Variants in NALCN observed in about 807,000 individuals in gnomAD.
NALCN encodes the protein sodium leak channel, non-selective.
In NALCN, 111 loss-of-function variants were observed where a neutral mutation model predicts 225.3. The ratio of observed to expected loss-of-function variants is 0.49; its 90% CI spans 0.42 to 0.58. NALCN has a LOEUF of 0.58. Among genes scored for constraint, NALCN ranks in the 20% least tolerant of loss-of-function variants. The probability of loss-of-function intolerance (pLI) is 0.00; values close to 1 mark genes in which losing one functional copy is unlikely to be tolerated. For missense variants in NALCN, 1,378 were observed against 2,202.4 expected (o/e 0.63, Z 7.49); for synonymous variants, 764 against 769.0 (o/e 0.99, Z 0.11).
chr13:101,180,353 C>T (rs570249448), intron 14 of NALCN: 2 of 151,658 alleles, frequency 1.3e-5, no homozygotes, highest in Non-Finnish European at 2.9e-5. Flanking sequence ...CTACAGGCAC[C>T]TACCACCATG....
intron 10 of NALCN, among the ~76,000 whole-genome samples, chr13:101,272,676 T>C (rs977907413): frequency 6.6e-6 from 1 of 152,024 alleles, no homozygotes; most frequent in African/African-American, 2.4e-5. Context: ...AGGAGAAGCA[T>C]AATGGGTTGG....
At chr13:101,363,758 G>A (rs1432218876) in intron 6 of NALCN, among the ~76,000 whole-genome samples, 2 of 151,858 alleles carry the variant, frequency 1.3e-5, no homozygotes, top group Admixed American at 6.6e-5. Flanking sequence ...TCAAAACTTC[G>A]GCACAGCAAA....
chr13:101,324,997 T>C (rs2044891982), intron 7 of NALCN, among the ~76,000 whole-genome samples: 2 of 152,182 alleles, frequency 1.3e-5, no homozygotes. Flanking sequence ...GGCTGTTGCA[T>C]TGGGCTTGCT....
chr13:101,264,028 A>G (rs555869666), intron 10 of NALCN, among the ~76,000 whole-genome samples: 1 of 152,324 alleles, frequency 6.6e-6, no homozygotes, highest in African/African-American at 2.4e-5. Flanking sequence ...TCTAATAAAA[A>G]TTAATATAAA....
chr13:101,341,781 A>C (rs2045566536), intron 7 of NALCN, among the ~76,000 whole-genome samples: 2 of 152,214 alleles, frequency 1.3e-5, no homozygotes, highest in South Asian at 4.1e-4. Context: ...TGTTTCCCCC[A>C]AATTCATTTG....
intron 7 of NALCN, among the ~76,000 whole-genome samples, chr13:101,337,316 A>ATTTTTTTT (rs1298172260): frequency 2.2e-4 from 33 of 147,996 alleles, no homozygotes; most frequent in African/African-American, 8.5e-4. Context: ...TTATTTATTT[A>ATTTTTTTT]TTTATTTTTT....
chr13:101,140,678 C>T (rs1178377619), intron 17 of NALCN, among the ~76,000 whole-genome samples: 6 of 152,248 alleles, frequency 3.9e-5, no homozygotes, highest in Admixed American at 2.0e-4. Context: ...TGTTTATCCA[C>T]TGACATATGA....
At chr13:101,082,145 T>C (rs887337101) in intron 33 of NALCN, among the ~76,000 whole-genome samples, 5 of 152,194 alleles carry the variant, frequency 3.3e-5, no homozygotes, top group African/African-American at 1.2e-4. Flanking sequence ...CCCAAAGTTC[T>C]GGGGTTACAG....
intron 11 of NALCN, among the ~76,000 whole-genome samples, chr13:101,251,557 T>C (rs2042063676): frequency 6.6e-6 from 1 of 152,134 alleles, no homozygotes; most frequent in Non-Finnish European, 1.5e-5. Flanking sequence ...TTTCTCTATG[T>C]GTTGAATTTA....
chr13:101,207,691 ACTCTGTAAAATGGACCAATCAGCG>A lies in NALCN; in HGVS notation c.1627-15661_1627-15638del, dbSNP rs545684466. On this transcript the variant is annotated intron_variant, in intron 13 of 43. Transcript: ENST00000251127. ...AAGATTTGTAAACACACCAATCAGCACTCTGTAAAATGGACCAATCAGCGCTCTGTAAAATGGACCAATCAGCAG... is the reference window on the plus strand; with the variant it reads ...AAGATTTGTAAACACACCAATCAGCACTCTGTAAAATGGACCAATCAGCAG... Among the ~76,000 whole-genome samples the A allele has an allele frequency of 7.2e-3, 1,098 of 152,196 alleles. 15 individuals carry two copies. Among genetic ancestry groups the A allele is most frequent in the African/African-American group, 0.025 (1,049 of 41,520 alleles).
intron 16 of NALCN, 36 bp from the exon 17 acceptor site, chr13:101,143,257 T>C: frequency 6.4e-7 from 1 of 1,563,530 alleles, no homozygotes; most frequent in East Asian, 2.3e-5. Context: ...CAGGCATTAT[T>C]AGTGGAAGGG....
intron 6 of NALCN, among the ~76,000 whole-genome samples, chr13:101,352,340 G>T (rs1257267581): frequency 6.6e-6 from 1 of 152,118 alleles, no homozygotes; most frequent in Non-Finnish European, 1.5e-5. Flanking sequence ...ATAGGGTGTT[G>T]CTTGGAGTGA....
intron 15 of NALCN, among the ~76,000 whole-genome samples, chr13:101,154,176 A>T (rs1211563365): frequency 2.0e-5 from 3 of 152,292 alleles, no homozygotes; most frequent in Admixed American, 6.5e-5. Context: ...AATTAGCTCC[A>T]TATTATGCAA....
chr13:101,278,749 G>A lies in NALCN; in HGVS notation c.1134+5184C>T, dbSNP rs533945085. 9.2e-5 allele frequency among the ~76,000 whole-genome samples: 14 copies of A among 152,244 alleles called. 1 individual carries two copies. The South Asian group carries it at 2.9e-3, about 32-fold the overall frequency. On this transcript the variant is annotated intron_variant, in intron 10 of 43. Transcript: ENST00000251127. The stretch of plus-strand genomic sequence containing the variant: ...GCAAAACTATCCAGAGATATCCAAA[G>A]TCCTACAACCTCTGCGAGGCACTTT...
chr13:101,400,697 C>G (rs777117323), intron 1 of NALCN, among the ~76,000 whole-genome samples: 1 of 152,164 alleles, frequency 6.6e-6, no homozygotes, highest in Admixed American at 6.5e-5. Context: ...CTATCCCCAT[C>G]GCTATGTGCT....
intron 7 of NALCN, among the ~76,000 whole-genome samples, chr13:101,343,903 G>A (rs1377420688): frequency 6.6e-6 from 1 of 152,162 alleles, no homozygotes; most frequent in Non-Finnish European, 1.5e-5. Flanking sequence ...AGGTGCTTTA[G>A]CTACATGATT....
At chr13:101,057,003 G>A (rs988015414) in intron 43 of NALCN, 2 of 152,142 alleles carry the variant, frequency 1.3e-5, no homozygotes, top group African/African-American at 4.8e-5. Context: ...GATATGAAAG[G>A]GGATACTTTC....
At chr13:101,163,983 T>A (rs598713) in intron 15 of NALCN, among the ~76,000 whole-genome samples, 28,164 of 151,906 alleles carry the variant, frequency 0.19, 3,762 homozygotes, top group African/African-American at 0.37. Context: ...GGCTTCATCA[T>A]CACACAGTGC....
intron 7 of NALCN, among the ~76,000 whole-genome samples, chr13:101,344,278 T>C (rs543594099): frequency 6.6e-6 from 1 of 152,310 alleles, no homozygotes; most frequent in South Asian, 2.1e-4. Flanking sequence ...AGTTGGCTTC[T>C]GGATTTTTGT....
Sources: gnomAD v4.1 joint callset for allele counts (sites outside exome capture counted in the v4.1 genomes callset) on GRCh38, gnomAD v4.1.1 for gene constraint, MANE v1.5 for transcripts, NCBI Gene and HGNC (gene_info 2026-07-23, HGNC 2026-07-21) for gene names.